Variants in KDM5B observed in about 807,000 individuals in gnomAD.
The protein encoded by KDM5B is lysine demethylase 5B.
KDM5B carries 144 observed loss-of-function variants against 193.4 expected under a neutral mutation model. The observed-to-expected ratio is 0.74, with a 90% CI of 0.65 to 0.86. The LOEUF (loss-of-function observed/expected upper bound fraction) is 0.86. Ranked by LOEUF, KDM5B falls within the 40% of genes least tolerant of loss-of-function variation. The pLI is 0.00. For synonymous variants in KDM5B, 668 were observed against 682.6 expected, an observed-to-expected ratio of 0.98 and a Z score of 0.33; for missense variants, 1,833 against 1,886.9, an observed-to-expected ratio of 0.97 and a Z score of 0.53.
chr1:202,736,473 T>A (rs2102222174), intron 20 of KDM5B, 81 bp from the exon 21 acceptor site: 1 of 1,121,520 alleles, frequency 8.9e-7, no homozygotes, highest in Non-Finnish European at 1.2e-6. Context: ...TTCAGATTGG[T>A]CCATTGAGTA....
chr1:202,774,957 G>A (rs961285031), intron 2 of KDM5B, among the ~76,000 whole-genome samples: 3 of 151,956 alleles, frequency 2.0e-5, no homozygotes, highest in African/African-American at 7.3e-5. Context: ...ATTATACATG[G>A]CCGGCCGGGC....
chr1:202,734,105 C>T (rs1432355988), intron 22 of KDM5B, among the ~76,000 whole-genome samples: 3 of 152,072 alleles, frequency 2.0e-5, no homozygotes, highest in Non-Finnish European at 2.9e-5. Context: ...GCCCACCTTA[C>T]AGGGTGAGAT....
At chr1:202,776,926 G>A in intron 2 of KDM5B, 91 bp downstream of exon 2, 2 of 849,628 alleles carry the variant, frequency 2.4e-6, no homozygotes, top group South Asian at 1.4e-5. Context: ...GATTTACAAT[G>A]GTGATTCTGT....
chr1:202,772,844 A>C (rs1488465603), intron 4 of KDM5B, among the ~76,000 whole-genome samples: 1 of 150,528 alleles, frequency 6.6e-6, no homozygotes, highest in South Asian at 2.1e-4. Flanking sequence ...TTACAGGCAC[A>C]CGCCACCATG....
At chr1:202,776,537 G>C (rs984525840) in intron 2 of KDM5B, among the ~76,000 whole-genome samples, 21 of 152,182 alleles carry the variant, frequency 1.4e-4, no homozygotes, top group African/African-American at 4.1e-4. Context: ...TTCTGTGTGT[G>C]TGTATCTTCA....
chr1:202,778,943 G>A (rs1221663216), intron 1 of KDM5B, among the ~76,000 whole-genome samples: 1 of 151,996 alleles, frequency 6.6e-6, no homozygotes, highest in Admixed American at 6.6e-5. Flanking sequence ...TTACTAATGT[G>A]GGAAGATTTT....
At chr1:202,738,007 T>C (rs896991840) in intron 20 of KDM5B, among the ~76,000 whole-genome samples, 3 of 152,230 alleles carry the variant, frequency 2.0e-5, no homozygotes, top group African/African-American at 7.2e-5. Context: ...ATTCCTATGA[T>C]ATTTAATTTA....
At chr1:202,798,300 CTT>C (rs34994129) in intron 1 of KDM5B, among the ~76,000 whole-genome samples, 25,206 of 130,932 alleles carry the variant, frequency 0.19, 1,425 homozygotes, top group Non-Finnish European at 0.26. Flanking sequence ...TGGTTTTTGT[CTT>C]TTTTTTTTTT....
chr1:202,808,026 C>T, intron 1 of KDM5B, 76 bp downstream of exon 1: 1 of 1,433,206 alleles, frequency 7.0e-7, no homozygotes, highest in Non-Finnish European at 9.3e-7. Flanking sequence ...CCCCGCGCCT[C>T]GGGCCTCCCC....
In KDM5B at chr1:202,742,484, T is replaced by A; in HGVS notation, c.2496A>T (p.Lys832Asn). The A allele has an allele frequency of 3.1e-6, 5 of 1,614,004 alleles. No individual in the cohort carries two copies. The highest frequency in any genetic ancestry group is 4.2e-6 in the Non-Finnish European group (5 of 1,179,994). Residue 832 changes from lysine to asparagine, a missense_variant, in exon 18 of 27, where the codon AAA becomes AAT. Coordinates refer to ENST00000367265, the MANE Select transcript of KDM5B (RefSeq NM_006618.5). The part of the protein sequence containing the change: ...RQTRYRSGGG[K>N]SQNQLTVNEL... ...CATTCACTGTCAACTGATTTTGGGA[T>A]TTCCCTCCACCAGATCGATATCTGT... is the stretch of plus-strand genomic sequence containing the variant.
intron 14 of KDM5B, 30 bp downstream of exon 14, chr1:202,748,915 A>T (rs1480219070): frequency 6.4e-7 from 1 of 1,562,214 alleles, no homozygotes; most frequent in Admixed American, 1.9e-5. Context: ...ACCCAATGAC[A>T]ACATGCAGTT....
In KDM5B at chr1:202,741,389, C is replaced by A; in HGVS notation, c.2923G>T (p.Ala975Ser). 1.3e-6 allele frequency: 2 copies of A among 1,554,114 alleles called. No individual in the cohort carries two copies. Among genetic ancestry groups the A allele is most frequent in the Non-Finnish European group, 1.7e-6 (2 of 1,152,026 alleles). The change falls in exon 19 of 27, where the codon GCC (alanine) becomes TCC (serine). Residue 975 changes from alanine to serine, a missense_variant. Ala to Ser is a moderately conservative substitution (Grantham distance 99). Around this residue, in one of 3 missense-constraint regions of KDM5B, gnomAD observed 1,379 missense variants for 1,349.6 expected, o/e 1.02. Coordinates refer to ENST00000367265, the MANE Select transcript of KDM5B (RefSeq NM_006618.5). ...LTVSEHWDDKAKSLLKARPRH... is the reference protein window; with the variant it reads ...LTVSEHWDDKSKSLLKARPRH... ...CACCTGGCCTTGAGGAGACTCTTGG[C>A]TTTGTCGTCCCAGTGCTCTGACACT...
chr1:202,770,117 GA>G (rs1656651291), intron 4 of KDM5B, among the ~76,000 whole-genome samples: 2 of 152,202 alleles, frequency 1.3e-5, no homozygotes, highest in African/African-American at 2.4e-5. Flanking sequence ...TAAATATGAA[GA>G]GCTTTATTAT....
intron 1 of KDM5B, among the ~76,000 whole-genome samples, chr1:202,807,472 C>G (rs1157781558): frequency 6.6e-6 from 1 of 151,630 alleles, no homozygotes; most frequent in Non-Finnish European, 1.5e-5. Flanking sequence ...TTGACCCCGG[C>G]CCGGGGGACA....
intron 25 of KDM5B, among the ~76,000 whole-genome samples, chr1:202,730,324 C>T (rs1256560857): frequency 2.6e-5 from 4 of 152,150 alleles, no homozygotes; most frequent in Non-Finnish European, 5.9e-5. Context: ...GAGAGGTGCC[C>T]ACTAAGAGTC....
intron 1 of KDM5B, among the ~76,000 whole-genome samples, chr1:202,790,137 C>T (rs1471115090): frequency 6.6e-6 from 1 of 152,080 alleles, no homozygotes; most frequent in African/African-American, 2.4e-5. Flanking sequence ...TGGTGGCACA[C>T]ACCTGTATTC....
At chr1:202,765,131 A>G (rs1656397319) in intron 5 of KDM5B, among the ~76,000 whole-genome samples, 1 of 152,232 alleles carries the variant, frequency 6.6e-6, no homozygotes, top group Non-Finnish European at 1.5e-5. Context: ...TAACTCCATT[A>G]GCCTCTAAGA....
In KDM5B at chr1:202,730,981, C is replaced by A. The variant is rs1253304410; in HGVS notation, c.4104G>T (p.Gln1368His). Residue 1368 changes from glutamine to histidine, a missense_variant, in exon 25 of 27, where the codon CAG becomes CAT. Around this residue, in one of 3 missense-constraint regions of KDM5B, gnomAD observed 1,379 missense variants for 1,349.6 expected, o/e 1.02. Transcript: ENST00000367265. ...CAGGGCTTGGCTTTGCAAGTAAAGT[C>A]TGGTAAAGTTCCTGAATTTCAGGAA... The part of the protein sequence containing the change: ...VSLPEIQELY[Q>H]TLLAKPSPAQ... 6.2e-7 allele frequency: 1 copy of A among 1,613,932 alleles called. No individual in the cohort carries two copies. The highest frequency in any genetic ancestry group is 1.1e-5 in the South Asian group (1 of 91,066).
chr1:202,780,623 T>C (rs538895809), intron 1 of KDM5B, among the ~76,000 whole-genome samples: 9 of 152,176 alleles, frequency 5.9e-5, no homozygotes, highest in Middle Eastern at 3.4e-3. Context: ...AAAAGCTAAA[T>C]AAATGTTGGT....
Sources: allele counts gnomAD v4.1 joint callset (sites outside exome capture counted in the v4.1 genomes callset), GRCh38; gene constraint gnomAD v4.1.1; regional missense constraint gnomAD v4.1.1; transcripts MANE v1.5; gene names NCBI Gene and HGNC (gene_info 2026-07-23, HGNC 2026-07-21).